CTNNA2: variants seen among roughly 807,000 people sequenced by gnomAD.
CTNNA2 encodes catenin alpha-2.
In CTNNA2, 42 loss-of-function variants were observed where a neutral mutation model predicts 101.0. The observed-to-expected ratio is 0.42, with a 90% CI of 0.32 to 0.54. CTNNA2 has a LOEUF of 0.54. Ranked by LOEUF, CTNNA2 falls within the 20% of genes least tolerant of loss-of-function variation. The probability of loss-of-function intolerance (pLI) is 0.14; values close to 1 mark genes in which losing one functional copy is unlikely to be tolerated. For missense variants in CTNNA2, 871 were observed against 1,223.1 expected, an observed-to-expected ratio of 0.71 and a Z score of 4.29; for synonymous variants, 450 against 456.4, an observed-to-expected ratio of 0.99 and a Z score of 0.18.
At chr2:79,767,392 G>A (rs1360628617) in intron 3 of CTNNA2, among the ~76,000 whole-genome samples, 1 of 151,924 alleles carries the variant, frequency 6.6e-6, no homozygotes, top group African/African-American at 2.4e-5. Flanking sequence ...TTTTCTGGCT[G>A]GTATTGATGC....
chr2:80,576,311 C>T (rs1260261893), intron 13 of CTNNA2: 1 of 151,774 alleles, frequency 6.6e-6, no homozygotes, highest in African/African-American at 2.4e-5. Flanking sequence ...TACTGTATTC[C>T]AGCCTCAGCT....
intron 7 of CTNNA2, among the ~76,000 whole-genome samples, chr2:80,259,953 CAATAAG>C (rs1379535185): frequency 1.3e-5 from 2 of 152,114 alleles, no homozygotes; most frequent in Non-Finnish European, 2.9e-5. Context: ...ACAATGTGGC[CAATAAG>C]AATAAGAATA....
Position 80,075,439 on chromosome 2 carries a change from G to C in CTNNA2, c.1056+165642G>C, listed in dbSNP as rs551107679. On this transcript the variant is annotated intron_variant, in intron 7 of 18. Transcript: ENST00000402739. ...TCCATTGCAAAATAAGGTGATAATA[G>C]CGTCTACCTCCTAGGGCTGTGTAAG... 4.6e-5 allele frequency among the ~76,000 whole-genome samples: 7 copies of C among 151,774 alleles called. No homozygotes were observed. The East Asian group carries it at 1.4e-3, about 30-fold the overall frequency.
intron 9 of CTNNA2, among the ~76,000 whole-genome samples, chr2:80,515,784 G>A (rs2149562113): frequency 6.6e-6 from 1 of 152,290 alleles, no homozygotes; most frequent in East Asian, 1.9e-4. Context: ...GGGGATGATG[G>A]CCAAGGTCTG....
At chr2:80,553,442 T>G (rs999421723) in intron 11 of CTNNA2, among the ~76,000 whole-genome samples, 3 of 152,170 alleles carry the variant, frequency 2.0e-5, no homozygotes, top group Non-Finnish European at 4.4e-5. Context: ...CTTAAATTAG[T>G]TGCATATTTC....
chr2:79,837,159 T>C (rs985195231), intron 3 of CTNNA2, among the ~76,000 whole-genome samples: 2 of 152,188 alleles, frequency 1.3e-5, no homozygotes, highest in Admixed American at 1.3e-4. Flanking sequence ...TATTAACTCA[T>C]GTGATCACAA....
intron 7 of CTNNA2, among the ~76,000 whole-genome samples, chr2:79,923,418 GAGA>G (rs145590098): frequency 0.023 from 3,513 of 152,132 alleles, 150 homozygotes; most frequent in African/African-American, 0.081. Context: ...TTGAGTAGGA[GAGA>G]AGATCTGGTG....
At chr2:80,445,632 C>A (rs1396494295) in intron 9 of CTNNA2, among the ~76,000 whole-genome samples, 1 of 152,126 alleles carries the variant, frequency 6.6e-6, no homozygotes, top group Non-Finnish European at 1.5e-5. Context: ...TAGTGGTCTG[C>A]ATTAGAACCA....
chr2:80,058,894 A>G (rs148463442), intron 7 of CTNNA2, among the ~76,000 whole-genome samples: 1,750 of 152,232 alleles, frequency 0.011, 14 homozygotes, highest in Non-Finnish European at 0.019. Flanking sequence ...CAACCAGGAA[A>G]TGCGTGTCAG....
At position 80,133,398 on chromosome 2, in the gene CTNNA2, GAAAC is replaced by G. The variant is rs147179705; in HGVS notation, c.1056+223621_1056+223624del. ...TGGCACTTTGTTACGTCAGCCCTGT[GAAAC>G]AAACAAACAAACAAACAAAAAACAA... On this transcript the variant is annotated intron_variant, in intron 7 of 18. Coordinates refer to ENST00000402739, the MANE Select transcript of CTNNA2 (RefSeq NM_001282597.3). Among the ~76,000 whole-genome samples the G allele has an allele frequency of 9.9e-5, 15 of 152,014 alleles. No individual in the cohort carries two copies. In the East Asian group the frequency reaches 2.3e-3, roughly 23 times the overall value.
At chr2:80,371,884 G>C (rs1254977601) in intron 7 of CTNNA2, among the ~76,000 whole-genome samples, 2 of 152,182 alleles carry the variant, frequency 1.3e-5, no homozygotes, top group Admixed American at 6.5e-5. Flanking sequence ...GCTTATTAGA[G>C]GTAATGATTA....
At chr2:80,184,506 C>T (rs1705985413) in intron 7 of CTNNA2, among the ~76,000 whole-genome samples, 1 of 152,004 alleles carries the variant, frequency 6.6e-6, no homozygotes, top group African/African-American at 2.4e-5. Flanking sequence ...AATCAGGGGC[C>T]AACTAGAAGG....
chr2:79,615,975 G>A (rs1262869322), intron 1 of CTNNA2, among the ~76,000 whole-genome samples: 2 of 152,206 alleles, frequency 1.3e-5, no homozygotes, highest in Non-Finnish European at 2.9e-5. Flanking sequence ...CCATGCCTGT[G>A]TTATGAGGAG....
intron 1 of CTNNA2, among the ~76,000 whole-genome samples, chr2:79,622,489 G>A (rs1679058270): frequency 6.6e-6 from 1 of 152,178 alleles, no homozygotes; most frequent in African/African-American, 2.4e-5. Context: ...TTTGATAAAT[G>A]ATGTTTTTAA....
At position 80,619,105 on chromosome 2, in the gene CTNNA2, C is replaced by T; in HGVS notation, c.2451C>T (p.Phe817=). 2.0e-6 allele frequency: 3 copies of T among 1,530,410 alleles called. No homozygotes were observed. Among genetic ancestry groups the T allele is most frequent in the Non-Finnish European group, 2.6e-6 (3 of 1,136,028 alleles). The allele number at this position is 1,530,410 out of a possible 1,614,324, so 94.8% of individuals were successfully genotyped here. A position where few individuals can be genotyped will look rare whatever the true frequency, so the allele number is the denominator to read the frequency against. ...IVSGTGVQST[F]TTFYEVDCDV... ...ATCAGACAGGAGTTCAGAGCACTTT[C>T]ACTACCTTTTATGAGGTAGATTGTG... Residue 817 remains phenylalanine (F), a synonymous_variant, in exon 18 of 19, where the codon TTC becomes TTT. Coordinates refer to ENST00000402739, the MANE Select transcript of CTNNA2 (RefSeq NM_001282597.3).
intron 3 of CTNNA2, among the ~76,000 whole-genome samples, chr2:79,814,038 A>G (rs1384263941): frequency 6.6e-6 from 1 of 152,022 alleles, no homozygotes; most frequent in African/African-American, 2.4e-5. Flanking sequence ...TTGTTGTCAC[A>G]TGGCAGTCTT....
intron 2 of CTNNA2, among the ~76,000 whole-genome samples, chr2:79,199,764 C>T (rs1246868125): frequency 6.6e-6 from 1 of 152,068 alleles, no homozygotes; most frequent in Non-Finnish European, 1.5e-5. Context: ...TGGTGAGGGT[C>T]CTGTTCCTGG....
chr2:79,444,561 C>T (rs1282204521), intron 4 of CTNNA2, among the ~76,000 whole-genome samples: 1 of 152,078 alleles, frequency 6.6e-6, no homozygotes, highest in African/African-American at 2.4e-5. Flanking sequence ...CTTGCTGCTT[C>T]TGTCTGCCTT....
chr2:80,286,355 CTGGACTCTGTTCTTTGTATGATGAG>C (rs1325102506), intron 7 of CTNNA2, among the ~76,000 whole-genome samples: 3 of 152,060 alleles, frequency 2.0e-5, no homozygotes, highest in Non-Finnish European at 4.4e-5. Flanking sequence ...AAACACTAGT[CTGGACTCTGTTCTTTGTATGATGAG>C]TGTAGGGGAA....
Sources: gnomAD v4.1 joint callset for allele counts (sites outside exome capture counted in the v4.1 genomes callset) on GRCh38, gnomAD v4.1.1 for gene constraint, MANE v1.5 for transcripts, NCBI Gene and HGNC (gene_info 2026-07-23, HGNC 2026-07-21) for gene names.